Variants in NRG1 observed in about 807,000 individuals in gnomAD.
NRG1 encodes pro-neuregulin-1, membrane-bound isoform.
NRG1 carries 18 observed loss-of-function variants against 63.8 expected under a neutral mutation model. The observed-to-expected ratio is 0.28, with a 90% CI of 0.19 to 0.42. The LOEUF (loss-of-function observed/expected upper bound fraction) is 0.42. Ranked by LOEUF, NRG1 falls within the 10% of genes least tolerant of loss-of-function variation. The pLI is 1.00. For missense variants in NRG1, 762 were observed against 814.7 expected, an observed-to-expected ratio of 0.94 and a Z score of 0.79; for synonymous variants, 302 against 301.3, an observed-to-expected ratio of 1.00 and a Z score of -0.02.
intron 1 of NRG1, among the ~76,000 whole-genome samples, chr8:32,302,859 A>T (rs1332183833): frequency 2.6e-5 from 4 of 151,254 alleles, no homozygotes; most frequent in Non-Finnish European, 5.9e-5. Context: ...AAAATGAAGT[A>T]TTTGTATTTC....
intron 1 of NRG1, among the ~76,000 whole-genome samples, chr8:32,176,133 T>C (rs1167292030): frequency 6.6e-6 from 1 of 152,080 alleles, no homozygotes; most frequent in Non-Finnish European, 1.5e-5. Flanking sequence ...AACAGAGATA[T>C]AGACCAATGG....
At chr8:31,765,718 A>G (rs1296112775) in intron 1 of NRG1, among the ~76,000 whole-genome samples, 1 of 152,178 alleles carries the variant, frequency 6.6e-6, no homozygotes, top group Non-Finnish European at 1.5e-5. Context: ...GTGGATAGAG[A>G]AAAGAAAAAC....
chr8:32,618,631 C>T (rs1012549993), intron 5 of NRG1, among the ~76,000 whole-genome samples: 10 of 152,120 alleles, frequency 6.6e-5, no homozygotes, highest in Non-Finnish European at 1.0e-4. Flanking sequence ...ACATCAGTCA[C>T]CCGGGGTCAT....
At chr8:32,115,888 A>G (rs1480360871) in intron 1 of NRG1, among the ~76,000 whole-genome samples, 2 of 152,142 alleles carry the variant, frequency 1.3e-5, no homozygotes, top group African/African-American at 4.8e-5. Context: ...ACCTCTACCC[A>G]GACTGGGAGC....
chr8:31,729,002 G>A (rs1813739942), intron 1 of NRG1, among the ~76,000 whole-genome samples: 1 of 152,106 alleles, frequency 6.6e-6, no homozygotes, highest in Non-Finnish European at 1.5e-5. Context: ...CTGGTTCTGG[G>A]CTGTTAGTTT....
chr8:32,728,799 C>T (rs548686235), intron 6 of NRG1, among the ~76,000 whole-genome samples: 77 of 152,288 alleles, frequency 5.1e-4, no homozygotes, highest in African/African-American at 1.8e-3. Flanking sequence ...GGCACAGTGG[C>T]TCACGCCTGT....
chr8:31,665,242 T>G (rs978796848), intron 1 of NRG1, among the ~76,000 whole-genome samples: 2 of 152,172 alleles, frequency 1.3e-5, no homozygotes, highest in Non-Finnish European at 2.9e-5. Flanking sequence ...CAAACTTCCT[T>G]AACCATTGAC....
chr8:32,486,443 TAATCTGGAG>T (rs1404218320), intron 1 of NRG1, among the ~76,000 whole-genome samples: 1 of 152,126 alleles, frequency 6.6e-6, no homozygotes, highest in Non-Finnish European at 1.5e-5. Flanking sequence ...ACAGGAATAT[TAATCTGGAG>T]AAGCCTTTGA....
Position 31,953,018 on chromosome 8 carries a change from A to G in NRG1, c.37+313587A>G, listed in dbSNP as rs1724813837. Among the ~76,000 whole-genome samples the G allele has an allele frequency of 1.3e-5, 2 of 152,192 alleles. 1 individual carries two copies. Among genetic ancestry groups the G allele is most frequent in the Non-Finnish European group, 2.9e-5 (2 of 68,028 alleles). Reference sequence around the variant, plus strand: ...CATTCTCATGGACCTACCTCTTAATATGCTTTCTTCTTAATCAGGCAATAA... The same window carrying G: ...CATTCTCATGGACCTACCTCTTAATGTGCTTTCTTCTTAATCAGGCAATAA... On this transcript the variant is annotated intron_variant, in intron 1 of 10. Transcript: ENST00000519301.
At chr8:32,547,347 A>T (rs1454741763), upstream of NRG1, among the ~76,000 whole-genome samples, 1 of 152,166 alleles carries the variant, frequency 6.6e-6, no homozygotes, top group Non-Finnish European at 1.5e-5. Context: ...TTCACGAATT[A>T]AGGATCTCCA....
chr8:32,245,631 C>T (rs1848524617), intron 1 of NRG1, among the ~76,000 whole-genome samples: 1 of 152,144 alleles, frequency 6.6e-6, no homozygotes, highest in Non-Finnish European at 1.5e-5. Context: ...TCTCTATAGT[C>T]ACCCCTCTTT....
At chr8:31,875,184 C>G (rs546377033) in intron 1 of NRG1, among the ~76,000 whole-genome samples, 9 of 152,246 alleles carry the variant, frequency 5.9e-5, no homozygotes, top group African/African-American at 2.2e-4. Context: ...TATCCATTCT[C>G]CACCATTCCT....
At chr8:31,963,001 G>A (rs1163826952) in intron 1 of NRG1, among the ~76,000 whole-genome samples, 1 of 152,176 alleles carries the variant, frequency 6.6e-6, no homozygotes, top group Non-Finnish European at 1.5e-5. Flanking sequence ...TACCAGAAAT[G>A]ATTTAAAAGT....
chr8:32,162,887 C>T (rs922980403), intron 1 of NRG1, among the ~76,000 whole-genome samples: 2 of 152,094 alleles, frequency 1.3e-5, no homozygotes, highest in South Asian at 2.1e-4. Flanking sequence ...TCATTCCCAT[C>T]GAGGGGTGAG....
At chr8:32,415,097 G>A (rs183485154) in intron 1 of NRG1, among the ~76,000 whole-genome samples, 19 of 152,180 alleles carry the variant, frequency 1.2e-4, no homozygotes, top group African/African-American at 4.6e-4. Context: ...GTATTTCTGT[G>A]GGGGAATGTG....
chr8:32,755,968 T>C (rs1002518449), intron 8 of NRG1, among the ~76,000 whole-genome samples: 12 of 152,068 alleles, frequency 7.9e-5, no homozygotes, highest in African/African-American at 2.7e-4. Context: ...TCTCAAACTC[T>C]TGGACTCAAT....
intron 1 of NRG1, among the ~76,000 whole-genome samples, chr8:32,227,728 A>T (rs533167111): frequency 3.4e-4 from 51 of 152,236 alleles, no homozygotes; most frequent in African/African-American, 1.2e-3. Flanking sequence ...CAAATCCATC[A>T]TCAGAATACA....
intron 1 of NRG1, among the ~76,000 whole-genome samples, chr8:31,758,736 T>C (rs1198884008): frequency 2.0e-5 from 3 of 152,180 alleles, no homozygotes; most frequent in African/African-American, 7.2e-5. Context: ...TGAACATTCA[T>C]GTACAATTTT....
At chr8:31,768,638 A>T (rs1179548617) in intron 1 of NRG1, among the ~76,000 whole-genome samples, 1 of 152,174 alleles carries the variant, frequency 6.6e-6, no homozygotes, top group East Asian at 1.9e-4. Flanking sequence ...ATAGTTTCTC[A>T]TGTTATGATT....
Sources: gnomAD v4.1 joint callset for allele counts (sites outside exome capture counted in the v4.1 genomes callset) on GRCh38, gnomAD v4.1.1 for gene constraint, MANE v1.5 for transcripts, NCBI Gene and HGNC (gene_info 2026-07-23, HGNC 2026-07-21) for gene names.